SCUBE2: variants seen among roughly 807,000 people sequenced by gnomAD.
SCUBE2 encodes signal peptide, CUB domain and EGF like domain containing 2, also known as signal peptide, CUB and EGF-like domain-containing protein 2.
A neutral mutation model predicts 125.9 loss-of-function variants in SCUBE2; 114 were observed. That is an observed-to-expected ratio of 0.91 (90% confidence interval 0.78 to 1.06). The LOEUF (loss-of-function observed/expected upper bound fraction) is 1.06. Ranked by LOEUF, SCUBE2 falls within the 50% of genes least tolerant of loss-of-function variation. SCUBE2 has a pLI of 0.00. For synonymous variants in SCUBE2, 459 were observed against 492.9 expected, an observed-to-expected ratio of 0.93 and a Z score of 0.91; for missense variants, 1,255 against 1,301.8, an observed-to-expected ratio of 0.96 and a Z score of 0.55.
At chr11:9,064,275 T>C (rs1859980539) in intron 7 of SCUBE2, among the ~76,000 whole-genome samples, 1 of 152,036 alleles carries the variant, frequency 6.6e-6, no homozygotes, top group Admixed American at 6.6e-5. Flanking sequence ...GAGACCAGCC[T>C]GGGCAACAGG....
Position 9,074,576 on chromosome 11 carries a change from T to C in SCUBE2, c.422A>G (p.His141Arg), listed in dbSNP as rs1477929040. ...GCTCCCCATGACGTTGACACAGGTA[T>C]GCTGGCAGCCGCCATTGTTCTCCAG... ...ECLENNGGCQ[H>R]TCVNVMGSYE... is the part of the protein sequence containing the mutation. The change falls in exon 4 of 23, where the codon CAT (histidine) becomes CGT (arginine). Residue 141 changes from histidine to arginine, a missense_variant. Transcript: ENST00000649792. 2 of 1,614,092 alleles carry C rather than the reference T, an allele frequency of 1.2e-6. No individual in the cohort carries two copies. Among genetic ancestry groups the C allele is most frequent in the South Asian group, 1.1e-5 (1 of 91,088 alleles).
chr11:9,030,762 G>T lies in SCUBE2; in HGVS notation c.2337C>A (p.Thr779=). 6.2e-7 allele frequency: 1 copy of T among 1,613,280 alleles called. No individual in the cohort carries two copies. Among genetic ancestry groups the T allele is most frequent in the South Asian group, 1.1e-5 (1 of 90,794 alleles). ...QGATSFQDCE[T]RVQCSPGHFY... ...GGCAAGCTGCCAAGTACTCACCTCT[G>T]GTTTCACAGTCCTGAAAGGAAGTAG... Residue 779 remains threonine (T), a synonymous_variant, in exon 18 of 23, where the codon ACC becomes ACA. Coordinates refer to ENST00000649792, the MANE Select transcript of SCUBE2 (RefSeq NM_001367977.2).
chr11:9,055,929 A>C lies in SCUBE2; in HGVS notation c.1091-20T>G. On this transcript the variant is annotated intron_variant, in intron 9 of 22. Coordinates refer to ENST00000649792, the MANE Select transcript of SCUBE2 (RefSeq NM_001367977.2). ...CCACATCTGTAATGGTCAAAGGGAGAGGGGAGCTGAAACCCACTCTGAGGG... is the reference window on the plus strand; with the variant it reads ...CCACATCTGTAATGGTCAAAGGGAGCGGGGAGCTGAAACCCACTCTGAGGG... 1.9e-6 allele frequency: 3 copies of C among 1,600,322 alleles called. No homozygotes were observed. The highest frequency in any genetic ancestry group is 2.6e-6 in the Non-Finnish European group (3 of 1,167,382).
chr11:9,058,617 A>ATTC (rs1859349752), intron 9 of SCUBE2, among the ~76,000 whole-genome samples: 1 of 139,818 alleles, frequency 7.2e-6, no homozygotes. Context: ...AAAAAAAAAA[A>ATTC]AAAAAAAAAA....
At chr11:9,078,299 C>T (rs140147217) in intron 3 of SCUBE2, among the ~76,000 whole-genome samples, 1 of 152,322 alleles carries the variant, frequency 6.6e-6, no homozygotes, top group African/African-American at 2.4e-5. Flanking sequence ...TGGAAAGCCA[C>T]GTGATGTGTC....
intron 2 of SCUBE2, among the ~76,000 whole-genome samples, chr11:9,084,888 T>A (rs1386493737): frequency 6.6e-6 from 1 of 152,134 alleles, no homozygotes; most frequent in Non-Finnish European, 1.5e-5. Flanking sequence ...CAGGCACACA[T>A]CACCACACCA....
chr11:9,030,855 G>A lies in SCUBE2; in HGVS notation c.2244C>T (p.Phe748=), dbSNP rs752309197. 10 of 1,614,056 alleles carry A rather than the reference G, an allele frequency of 6.2e-6. No individual in the cohort carries two copies. In the Admixed American group the frequency reaches 1.7e-4, roughly 27 times the overall value. The change falls in exon 18 of 23, where the codon TTC becomes TTT. Residue 748 remains phenylalanine, a synonymous_variant. Transcript: ENST00000649792. ...APCQLCALGT[F]QPEAGRTSCF... is the part of the protein sequence containing the mutation. ...AGGAAGTTCGACCAGCTTCAGGCTG[G>A]AACGTGCCCAGGGCACAGAGCTGGC...
At position 9,033,371 on chromosome 11, in the gene SCUBE2, G is replaced by A. The variant is rs537844718; in HGVS notation, c.2173+255C>T. ...TATATATTTCCAGTGAAGAAAGCACGCAGTTTCAACACTTACGCTCTTCTG... is the reference window on the plus strand; with the variant it reads ...TATATATTTCCAGTGAAGAAAGCACACAGTTTCAACACTTACGCTCTTCTG... On this transcript the variant is annotated intron_variant, in intron 17 of 22. Coordinates refer to ENST00000649792, the MANE Select transcript of SCUBE2 (RefSeq NM_001367977.2). Among the ~76,000 whole-genome samples the A allele has an allele frequency of 5.3e-5, 8 of 152,288 alleles. No individual in the cohort carries two copies. In the South Asian group the frequency reaches 6.2e-4, roughly 12 times the overall value.
chr11:9,089,570 G>T, intron 2 of SCUBE2, 137 bp downstream of exon 2: 1 of 915,606 alleles, frequency 1.1e-6, no homozygotes, highest in African/African-American at 1.6e-5. Context: ...ATATTTCAGA[G>T]AGCAGGTGAT....
At chr11:9,086,378 C>G (rs1229102556) in intron 2 of SCUBE2, among the ~76,000 whole-genome samples, 3 of 152,136 alleles carry the variant, frequency 2.0e-5, no homozygotes, top group Non-Finnish European at 4.4e-5. Flanking sequence ...TAATCACAAC[C>G]CAAATGATAC....
At chr11:9,085,123 C>A (rs1861946929) in intron 2 of SCUBE2, among the ~76,000 whole-genome samples, 1 of 152,142 alleles carries the variant, frequency 6.6e-6, no homozygotes, top group Non-Finnish European at 1.5e-5. Context: ...TCAGGAAAGA[C>A]TGAGGAACTG....
chr11:9,036,056 T>C (rs1856729619), intron 16 of SCUBE2, among the ~76,000 whole-genome samples: 1 of 152,106 alleles, frequency 6.6e-6, no homozygotes, highest in Non-Finnish European at 1.5e-5. Context: ...GCCGGGCTAA[T>C]TTTTTGTATT....
chr11:9,033,816 C>G lies in SCUBE2; in HGVS notation c.2003-20G>C, dbSNP rs1423651569. The G allele has an allele frequency of 6.2e-7, 1 of 1,613,490 alleles. No homozygotes were observed. Among genetic ancestry groups the G allele is most frequent in the Non-Finnish European group, 8.5e-7 (1 of 1,179,572 alleles). ...AACTGACTAGCCAAAAGGGAAACAA[C>G]CTGGTCAGTGTGGACACAAAGGCCA... On this transcript the variant is annotated intron_variant, in intron 16 of 22. Transcript: ENST00000649792.
intron 2 of SCUBE2, among the ~76,000 whole-genome samples, chr11:9,083,827 A>G (rs1303206248): frequency 6.6e-6 from 1 of 152,192 alleles, no homozygotes; most frequent in Non-Finnish European, 1.5e-5. Flanking sequence ...GACGTGAGCC[A>G]CTGCATCCGG....
At chr11:9,062,504 G>A (rs1437804561) in intron 7 of SCUBE2, among the ~76,000 whole-genome samples, 3 of 152,076 alleles carry the variant, frequency 2.0e-5, no homozygotes, top group South Asian at 2.1e-4. Context: ...ATGAAAAGTC[G>A]GTCAAGAATC....
rs1295944276 is a variant in SCUBE2, at chr11:9,076,464, T to C, written c.383-1849A>G. ...AACTCCTTGAGGACAGAGATTTTTG[T>C]TTTAATTAGCACAGCCCTGGAATAC... is the stretch of plus-strand genomic sequence containing the variant. On this transcript the variant is annotated intron_variant, in intron 3 of 22. Coordinates refer to ENST00000649792, the MANE Select transcript of SCUBE2 (RefSeq NM_001367977.2). Among the ~76,000 whole-genome samples the C allele has an allele frequency of 3.3e-5, 5 of 151,970 alleles. No individual in the cohort carries two copies. The East Asian group carries it at 9.7e-4, about 29-fold the overall frequency.
At chr11:9,089,290 T>G (rs1335283972) in intron 2 of SCUBE2, among the ~76,000 whole-genome samples, 1 of 152,090 alleles carries the variant, frequency 6.6e-6, no homozygotes, top group Non-Finnish European at 1.5e-5. Flanking sequence ...CCTGAGCTGG[T>G]AGGGGAGGGC....
chr11:9,083,145 C>A (rs954747173), intron 2 of SCUBE2, among the ~76,000 whole-genome samples: 2 of 150,894 alleles, frequency 1.3e-5, no homozygotes, highest in African/African-American at 4.9e-5. Context: ...TGTATACATA[C>A]AATTAATACA....
intron 7 of SCUBE2, among the ~76,000 whole-genome samples, chr11:9,061,076 T>C (rs991279465): frequency 6.6e-6 from 1 of 152,102 alleles, no homozygotes; most frequent in Non-Finnish European, 1.5e-5. Flanking sequence ...ACGTGAAAAA[T>C]AAGCCACAAT....
Sources: allele counts gnomAD v4.1 joint callset (sites outside exome capture counted in the v4.1 genomes callset), GRCh38; gene constraint gnomAD v4.1.1; transcripts MANE v1.5; gene names NCBI Gene and HGNC (gene_info 2026-07-23, HGNC 2026-07-21).